The following SULF2 variants were observed in gnomAD, a reference collection of about 807,000 sequenced individuals.
SULF2 encodes sulfatase 2, also known as extracellular sulfatase Sulf-2.
SULF2 carries 52 observed loss-of-function variants against 107.7 expected under a neutral mutation model. That is an observed-to-expected ratio of 0.48 (90% CI 0.39 to 0.61). The LOEUF is 0.61. Ranked by LOEUF, SULF2 falls within the 20% of genes least tolerant of loss-of-function variation. SULF2 has a pLI of 0.00. For missense variants in SULF2, 993 were observed against 1,177.3 expected (o/e 0.84, Z 2.29); for synonymous variants, 460 against 464.3 (o/e 0.99, Z 0.12).
chr20:47,681,139 G>A lies in SULF2; in HGVS notation c.1064+1855C>T, dbSNP rs368874897. 3.9e-4 allele frequency among the ~76,000 whole-genome samples: 59 copies of A among 152,292 alleles called. 2 individuals carry two copies. The South Asian group carries it at 0.012, about 32-fold the overall frequency. On this transcript the variant is annotated intron_variant, in intron 7 of 20. Coordinates refer to ENST00000688720, the MANE Select transcript of SULF2 (RefSeq NM_001387048.1). ...ACCCACCTGAGAATGAAGCCAATTCGGCGGAAGTGGGACTGAGAGATAAGA... is the reference window on the plus strand; with the variant it reads ...ACCCACCTGAGAATGAAGCCAATTCAGCGGAAGTGGGACTGAGAGATAAGA...
intron 4 of SULF2, among the ~76,000 whole-genome samples, chr20:47,701,812 AATC>A (rs1471313782): frequency 1.3e-5 from 2 of 152,206 alleles, no homozygotes; most frequent in Non-Finnish European, 2.9e-5. Context: ...TAAGAGTCTG[AATC>A]ATCGTTATCC....
At chr20:47,667,625 C>A (rs1002314996) in intron 11 of SULF2, among the ~76,000 whole-genome samples, 9 of 152,222 alleles carry the variant, frequency 5.9e-5, no homozygotes, top group African/African-American at 2.2e-4. Flanking sequence ...CAGCCCCCGC[C>A]ACTCCTTCCT....
At chr20:47,752,872 C>T (rs61347518) in intron 2 of SULF2, among the ~76,000 whole-genome samples, 5,027 of 152,086 alleles carry the variant, frequency 0.033, 311 homozygotes, top group African/African-American at 0.12. Context: ...GAGGCCGAGG[C>T]GGCGGACTGC....
rs1051784640 is a variant in SULF2, at chr20:47,694,997, C to T, written c.568-4702G>A. Among the ~76,000 whole-genome samples, 1 of 152,174 alleles carries T rather than the reference C, an allele frequency of 6.6e-6. No homozygotes were observed. Among genetic ancestry groups the T allele is most frequent in the Admixed American group, 6.5e-5 (1 of 15,284 alleles). ...AGGCCTTTGTATTTTTGGGTCAGGT[C>T]CATCTTTTTCTCCCCGCCACAGATA... On this transcript the variant is annotated intron_variant, in intron 4 of 20. Transcript: ENST00000688720. This position sits in a 1 kb window ranked among gnomAD's most constrained non-coding sequence, Gnocchi z 4.4.
intron 1 of SULF2, among the ~76,000 whole-genome samples, chr20:47,769,364 T>TG (rs2090586461): frequency 1.3e-5 from 2 of 151,088 alleles, no homozygotes; most frequent in Non-Finnish European, 3.0e-5. Flanking sequence ...TTTGTATTTT[T>TG]TTTTTTTTTT....
At position 47,666,113 on chromosome 20, in the gene SULF2, C is replaced by T. The variant is rs780986225; in HGVS notation, c.1805+147G>A. ...CGATGTGTCACTTTAATGGGGTTGG[C>T]GGCTGAATAGTCGGGAAGGCCTCCA... On this transcript the variant is annotated intron_variant, in intron 12 of 20. Coordinates refer to ENST00000688720, the MANE Select transcript of SULF2 (RefSeq NM_001387048.1). This position sits in a 1 kb window ranked among gnomAD's most constrained non-coding sequence, Gnocchi z 5.4. 39 of 1,611,710 alleles carry T rather than the reference C, an allele frequency of 2.4e-5. No homozygotes were observed. Among genetic ancestry groups the T allele is most frequent in the South Asian group, 6.6e-5 (6 of 90,920 alleles).
chr20:47,692,741 T>C (rs1281983463), intron 4 of SULF2, among the ~76,000 whole-genome samples: 1 of 152,198 alleles, frequency 6.6e-6, no homozygotes, highest in African/African-American at 2.4e-5. Flanking sequence ...TCCCAAAGTG[T>C]AGGTATTAAG....
chr20:47,661,525 A>G (rs924101646), intron 18 of SULF2: 7 of 344,334 alleles, frequency 2.0e-5, no homozygotes, highest in Non-Finnish European at 3.8e-5. Flanking sequence ...AAAAGGGAGG[A>G]CAATGAAATG....
chr20:47,746,121 G>A (rs528280859), intron 2 of SULF2, among the ~76,000 whole-genome samples: 75 of 152,306 alleles, frequency 4.9e-4, no homozygotes, highest in Non-Finnish European at 9.4e-4. Context: ...CTACCATGCC[G>A]ACTTCCTCCT....
At chr20:47,660,544 G>C (rs6018625) in intron 18 of SULF2, among the ~76,000 whole-genome samples, 1 of 151,852 alleles carries the variant, frequency 6.6e-6, no homozygotes, top group Non-Finnish European at 1.5e-5. Flanking sequence ...GTTTTTTTTA[G>C]GCCACTCTCT....
chr20:47,711,050 C>T (rs1195729359), intron 3 of SULF2, among the ~76,000 whole-genome samples: 1 of 152,220 alleles, frequency 6.6e-6, no homozygotes, highest in Non-Finnish European at 1.5e-5. Flanking sequence ...CAGGGGCACA[C>T]ACGGCATCAC....
chr20:47,731,279 G>A (rs1371766316), intron 3 of SULF2, among the ~76,000 whole-genome samples: 1 of 134,880 alleles, frequency 7.4e-6, no homozygotes, highest in Non-Finnish European at 1.5e-5. Flanking sequence ...TGCAACCTCC[G>A]CCTCCCAGGT....
chr20:47,672,138 G>T, intron 11 of SULF2, 60 bp downstream of exon 11: 1 of 1,526,244 alleles, frequency 6.6e-7, no homozygotes, highest in Non-Finnish European at 8.9e-7. Flanking sequence ...GTGAATGAAT[G>T]GGGCCCCCCA....
At chr20:47,682,869 T>C in intron 7 of SULF2, 125 bp downstream of exon 7, 1 of 944,494 alleles carries the variant, frequency 1.1e-6, no homozygotes, top group Non-Finnish European at 1.6e-6. Flanking sequence ...TGCTTTCCGC[T>C]GGCCCTGGGG....
intron 17 of SULF2, 53 bp from the exon 18 acceptor site, chr20:47,661,949 C>G: frequency 1.4e-6 from 2 of 1,415,882 alleles, no homozygotes; most frequent in Non-Finnish European, 1.9e-6. Flanking sequence ...GACTCTCGCC[C>G]TGCCCTTCTA....
chr20:47,701,832 G>C (rs185743952), intron 4 of SULF2, among the ~76,000 whole-genome samples: 157 of 152,308 alleles, frequency 1.0e-3, no homozygotes, highest in South Asian at 2.3e-3. Flanking sequence ...ATCCTCGCGG[G>C]AGGGGTGTCG....
chr20:47,672,293 G>A lies in SULF2; in HGVS notation c.1481C>T (p.Pro494Leu). 6.2e-7 allele frequency: 1 copy of A among 1,613,510 alleles called. No individual in the cohort carries two copies. The highest frequency in any genetic ancestry group is 8.5e-7 in the Non-Finnish European group (1 of 1,179,998). The part of the protein sequence containing the change: ...GGSRALSNLV[P>L]KYYGQGSEAC... ...CTCGCTGCCCTGCCCGTAGTACTTGGGCACGAGGTTGGAGAGGGCTCTGCT... is the reference window on the plus strand; with the variant it reads ...CTCGCTGCCCTGCCCGTAGTACTTGAGCACGAGGTTGGAGAGGGCTCTGCT... Residue 494 changes from proline to leucine, a missense_variant, in exon 11 of 21, where the codon CCC (proline) becomes CTC (leucine). Pro to Leu is a moderately conservative substitution (Grantham distance 98). Transcript: ENST00000688720.
intron 3 of SULF2, among the ~76,000 whole-genome samples, chr20:47,711,466 A>G (rs1028641703): frequency 1.3e-5 from 2 of 152,238 alleles, no homozygotes; most frequent in African/African-American, 4.8e-5. Flanking sequence ...AGAGGCAGCC[A>G]GCAGGACAGA....
At chr20:47,754,509 T>C (rs1434404054) in intron 2 of SULF2, among the ~76,000 whole-genome samples, 1 of 132,288 alleles carries the variant, frequency 7.6e-6, no homozygotes, top group Non-Finnish European at 1.7e-5. Context: ...AACCCAGTGC[T>C]GCTGGTGGAA....
Sources: gnomAD v4.1 joint callset for allele counts (sites outside exome capture counted in the v4.1 genomes callset) on GRCh38, gnomAD v4.1.1 for gene constraint, Gnocchi (gnomAD v3.1) non-coding constraint, MANE v1.5 for transcripts, NCBI Gene and HGNC (gene_info 2026-07-23, HGNC 2026-07-21) for gene names.